Variants in BTBD9 observed in about 807,000 individuals in gnomAD.
BTBD9 encodes BTB/POZ domain-containing protein 9.
A neutral mutation model predicts 64.3 loss-of-function variants in BTBD9; 49 were observed. The observed-to-expected ratio is 0.76, with a 90% CI of 0.61 to 0.97. The LOEUF (loss-of-function observed/expected upper bound fraction) is 0.97, where lower values mean the gene tolerates loss of function less well. BTBD9 is among the 50% of genes least tolerant of loss of function. BTBD9 has a pLI of 0.00. For missense variants in BTBD9, 598 were observed against 762.1 expected (o/e 0.78, Z 2.53); for synonymous variants, 260 against 274.7 (o/e 0.95, Z 0.53).
At chr6:38,362,121 G>A (rs556561317) in intron 6 of BTBD9, among the ~76,000 whole-genome samples, 20 of 152,260 alleles carry the variant, frequency 1.3e-4, no homozygotes, top group African/African-American at 4.8e-4. Context: ...TCCTAGGTAT[G>A]CCTTTCTCTC....
chr6:38,508,996 A>G (rs1772663143), intron 6 of BTBD9, among the ~76,000 whole-genome samples: 1 of 152,156 alleles, frequency 6.6e-6, no homozygotes, highest in East Asian at 1.9e-4. Flanking sequence ...CCACCTTAGA[A>G]CCAGTGAGTC....
chr6:38,319,242 G>A (rs1763139915), intron 7 of BTBD9, among the ~76,000 whole-genome samples: 1 of 152,142 alleles, frequency 6.6e-6, no homozygotes, highest in Non-Finnish European at 1.5e-5. Context: ...AGCCCACTTG[G>A]TGCTCTTCCT....
chr6:38,248,677 G>A (rs146797346), intron 9 of BTBD9, among the ~76,000 whole-genome samples: 145 of 152,298 alleles, frequency 9.5e-4, no homozygotes, highest in African/African-American at 3.2e-3. Context: ...AGCACAGGCC[G>A]TGGTGCTTTT....
chr6:38,265,827 C>G (rs1225291173), intron 8 of BTBD9, among the ~76,000 whole-genome samples: 1 of 152,082 alleles, frequency 6.6e-6, no homozygotes, highest in South Asian at 2.1e-4. Flanking sequence ...GCTAAAACAA[C>G]CAACTTTTAA....
intron 6 of BTBD9, among the ~76,000 whole-genome samples, chr6:38,386,659 G>A (rs1766184242): frequency 7.1e-6 from 1 of 141,578 alleles, no homozygotes; most frequent in Admixed American, 6.9e-5. Flanking sequence ...TTTTGGAGTG[G>A]GGGGCCAGGG....
intron 6 of BTBD9, chr6:38,402,690 AAG>A: frequency 1.6e-6 from 1 of 627,544 alleles, no homozygotes; most frequent in Non-Finnish European, 2.8e-6. Flanking sequence ...ACCTAAACAT[AAG>A]AGTCAAAACT....
intron 7 of BTBD9, among the ~76,000 whole-genome samples, chr6:38,329,611 C>G (rs1311939215): frequency 2.6e-5 from 4 of 152,104 alleles, no homozygotes; most frequent in African/African-American, 9.7e-5. Flanking sequence ...GGCTGAGCCA[C>G]GGCGCCCTGC....
chr6:38,595,580 A>G (rs1295106806), intron 2 of BTBD9, among the ~76,000 whole-genome samples: 4 of 152,206 alleles, frequency 2.6e-5, no homozygotes, highest in African/African-American at 9.6e-5. Flanking sequence ...AAAAGATGCA[A>G]AAGTGAGAGG....
intron 6 of BTBD9, among the ~76,000 whole-genome samples, chr6:38,521,054 AG>A (rs1390366955): frequency 1.3e-5 from 2 of 152,108 alleles, no homozygotes; most frequent in Non-Finnish European, 2.9e-5. Flanking sequence ...TTCATTTCCC[AG>A]GGCCAGGGAC....
chr6:38,600,139 T>C (rs537236191), intron 1 of BTBD9, among the ~76,000 whole-genome samples: 3 of 152,228 alleles, frequency 2.0e-5, no homozygotes, highest in South Asian at 2.1e-4. Flanking sequence ...AACTGTGTAA[T>C]ATAGGAGCTG....
At chr6:38,582,819 A>G (rs945965680) in intron 4 of BTBD9, among the ~76,000 whole-genome samples, 2 of 152,182 alleles carry the variant, frequency 1.3e-5, no homozygotes, top group Admixed American at 1.3e-4. Flanking sequence ...GGGTTACTGT[A>G]AAAAATACAC....
chr6:38,228,528 T>C (rs1206034888), intron 9 of BTBD9, among the ~76,000 whole-genome samples: 1 of 151,194 alleles, frequency 6.6e-6, no homozygotes, highest in African/African-American at 2.4e-5. Context: ...ATACGGAAAA[T>C]CTCTGTACCT....
intron 2 of BTBD9, among the ~76,000 whole-genome samples, chr6:38,596,284 T>C (rs531025172): frequency 5.9e-5 from 9 of 152,182 alleles, no homozygotes; most frequent in Non-Finnish European, 1.0e-4. Context: ...GAAGGTTCAA[T>C]ATCTACAAAG....
At chr6:38,204,007 A>G (rs1762552367) in intron 9 of BTBD9, among the ~76,000 whole-genome samples, 1 of 152,184 alleles carries the variant, frequency 6.6e-6, no homozygotes, top group Non-Finnish European at 1.5e-5. Flanking sequence ...AAGCATTCAC[A>G]TGTAGCCCAT....
chr6:38,370,728 A>G (rs1765384573), intron 6 of BTBD9, among the ~76,000 whole-genome samples: 1 of 152,248 alleles, frequency 6.6e-6, no homozygotes, highest in Admixed American at 6.5e-5. Context: ...CTACAGCAGC[A>G]CAATAAATTC....
chr6:38,512,272 C>T (rs1244740649), intron 6 of BTBD9, among the ~76,000 whole-genome samples: 9 of 152,192 alleles, frequency 5.9e-5, no homozygotes, highest in Non-Finnish European at 1.5e-5. Context: ...CATGCCCGGC[C>T]ACTACTATGT....
intron 1 of BTBD9, among the ~76,000 whole-genome samples, chr6:38,638,402 CTGAACTCAA>C (rs1010226977): frequency 1.3e-5 from 2 of 152,300 alleles, no homozygotes; most frequent in African/African-American, 2.4e-5. Context: ...ACTTGATGGA[CTGAACTCAA>C]TGCTTTCTAT....
At chr6:38,183,547 T>C (rs952995832) in intron 10 of BTBD9, among the ~76,000 whole-genome samples, 2 of 152,208 alleles carry the variant, frequency 1.3e-5, no homozygotes, top group Non-Finnish European at 2.9e-5. Flanking sequence ...TGCTGGTTCA[T>C]GGAACCAGCT....
At chr6:38,435,056 T>A (rs1768650163) in intron 6 of BTBD9, among the ~76,000 whole-genome samples, 1 of 151,624 alleles carries the variant, frequency 6.6e-6, no homozygotes, top group Non-Finnish European at 1.5e-5. Flanking sequence ...TAGCCAGGCA[T>A]GGTGGCACAT....
Sources: gnomAD v4.1 joint callset for allele counts (sites outside exome capture counted in the v4.1 genomes callset) on GRCh38, gnomAD v4.1.1 for gene constraint, MANE v1.5 for transcripts, NCBI Gene and HGNC (gene_info 2026-07-23, HGNC 2026-07-21) for gene names.